DLG2: variants seen among roughly 807,000 people sequenced by gnomAD.
DLG2 encodes the protein disks large homolog 2.
In DLG2, 45 loss-of-function variants were observed where a neutral mutation model predicts 132.5. The ratio of observed to expected loss-of-function variants is 0.34; its 90% CI spans 0.27 to 0.44. The LOEUF is 0.44. DLG2 is among the 20% of genes least tolerant of loss of function. DLG2 has a pLI of 1.00. For missense variants in DLG2, 1,045 were observed against 1,196.9 expected (o/e 0.87, Z 1.87); for synonymous variants, 424 against 419.6 (o/e 1.01, Z -0.13).
At chr11:83,544,526 C>T (rs1173699391) in intron 19 of DLG2, among the ~76,000 whole-genome samples, 1 of 152,006 alleles carries the variant, frequency 6.6e-6, no homozygotes, top group African/African-American at 2.4e-5. Flanking sequence ...GTGGCAGCAA[C>T]CTAGGACCAG....
At chr11:84,429,697 T>C (rs1257732177) in intron 7 of DLG2, among the ~76,000 whole-genome samples, 1 of 152,192 alleles carries the variant, frequency 6.6e-6, no homozygotes, top group Non-Finnish European at 1.5e-5. Flanking sequence ...CATGTGCAAA[T>C]AAAACATGCA....
intron 7 of DLG2, among the ~76,000 whole-genome samples, chr11:84,281,862 AT>A: frequency 6.6e-6 from 1 of 152,286 alleles, no homozygotes; most frequent in South Asian, 2.1e-4. Context: ...AAGACTGACC[AT>A]ATCAAGTGTT....
At chr11:83,590,705 G>T (rs1307011986) in intron 19 of DLG2, among the ~76,000 whole-genome samples, 1 of 152,092 alleles carries the variant, frequency 6.6e-6, no homozygotes, top group African/African-American at 2.4e-5. Context: ...TCCAGGAGCT[G>T]GTTTTTTGAA....
intron 17 of DLG2, among the ~76,000 whole-genome samples, chr11:83,814,109 C>T (rs750231237): frequency 5.3e-5 from 8 of 151,836 alleles, no homozygotes; most frequent in South Asian, 2.1e-4. Flanking sequence ...AATATTAGAA[C>T]GTATTTAAAA....
chr11:85,195,632 T>C (rs1037433492), intron 4 of DLG2, among the ~76,000 whole-genome samples: 7 of 151,322 alleles, frequency 4.6e-5, no homozygotes, highest in Non-Finnish European at 2.9e-5. Context: ...CACGTCATTC[T>C]CCTGCCTCAG....
At chr11:85,559,640 A>G (rs2077118553) in intron 3 of DLG2, among the ~76,000 whole-genome samples, 1 of 151,720 alleles carries the variant, frequency 6.6e-6, no homozygotes. Context: ...AGTAAGTTTG[A>G]TATAATGGAA....
intron 7 of DLG2, among the ~76,000 whole-genome samples, chr11:84,339,075 A>G (rs967133710): frequency 6.6e-6 from 1 of 152,164 alleles, no homozygotes; most frequent in African/African-American, 2.4e-5. Context: ...GAGCATGTAC[A>G]TTTACATATT....
intron 19 of DLG2, among the ~76,000 whole-genome samples, chr11:83,598,261 G>C (rs1406442751): frequency 6.6e-6 from 1 of 152,218 alleles, no homozygotes. Flanking sequence ...CTCTTTGGCT[G>C]TTCTTTCAGA....
chr11:85,449,991 A>G (rs554554945), intron 3 of DLG2, among the ~76,000 whole-genome samples: 27 of 152,118 alleles, frequency 1.8e-4, no homozygotes, highest in African/African-American at 5.8e-4. Flanking sequence ...GCCGGGCATG[A>G]TGGTGCATGC....
intron 7 of DLG2, among the ~76,000 whole-genome samples, chr11:84,502,346 CTTTCTTTCTTTCTTTCTTTCT>C (rs2099219196): frequency 2.2e-5 from 1 of 45,134 alleles, no homozygotes; most frequent in South Asian, 7.2e-4. Flanking sequence ...TTCTTTCTTT[CTTTCTTTCTTTCTTTCTTTCT>C]TTCTTTCTTT....
Position 84,263,822 on chromosome 11 carries a change from A to G in DLG2, c.520-12531T>C, listed in dbSNP as rs76935204. Reference sequence around the variant, plus strand: ...AGAAATTTTAGGGAGAGAGGCAAAGATGAAGTATGAGTTTTAGTTTGCTGT... The same window carrying G: ...AGAAATTTTAGGGAGAGAGGCAAAGGTGAAGTATGAGTTTTAGTTTGCTGT... On this transcript the variant is annotated intron_variant, in intron 7 of 27. Transcript: ENST00000376104. Among the ~76,000 whole-genome samples, 662 of 152,290 alleles carry G rather than the reference A, an allele frequency of 4.3e-3. 1 individual carries two copies. The highest frequency in any genetic ancestry group is 0.014 in the African/African-American group (600 of 41,576).
At chr11:85,190,479 C>A (rs550062750) in intron 4 of DLG2, among the ~76,000 whole-genome samples, 2 of 151,598 alleles carry the variant, frequency 1.3e-5, no homozygotes, top group Non-Finnish European at 2.9e-5. Flanking sequence ...CAAATCAGCT[C>A]CAAAGCTAGC....
At chr11:85,455,695 T>G (rs1206675487) in intron 3 of DLG2, among the ~76,000 whole-genome samples, 1 of 152,156 alleles carries the variant, frequency 6.6e-6, no homozygotes, top group African/African-American at 2.4e-5. Context: ...TGAAGTATGC[T>G]CCTTCAGTGC....
intron 18 of DLG2, among the ~76,000 whole-genome samples, chr11:83,684,025 C>A (rs2079278270): frequency 1.3e-5 from 2 of 152,072 alleles, no homozygotes; most frequent in African/African-American, 4.8e-5. Flanking sequence ...GTGAGACCAT[C>A]TTGGCTTCTC....
chr11:83,851,885 C>A (rs976840484), intron 16 of DLG2, among the ~76,000 whole-genome samples: 13 of 150,968 alleles, frequency 8.6e-5, no homozygotes, highest in African/African-American at 3.2e-4. Flanking sequence ...TGCCACTGAA[C>A]TCCAGCCTGG....
chr11:84,298,249 T>C (rs1007708346), intron 7 of DLG2, among the ~76,000 whole-genome samples: 1 of 152,210 alleles, frequency 6.6e-6, no homozygotes, highest in South Asian at 2.1e-4. Context: ...CATGGGCGTT[T>C]CCATTCATGT....
chr11:84,891,829 C>T (rs999973014), intron 6 of DLG2, among the ~76,000 whole-genome samples: 2 of 152,058 alleles, frequency 1.3e-5, no homozygotes, highest in African/African-American at 4.8e-5. Flanking sequence ...TGAATACAGA[C>T]CTAAAGCAGA....
At chr11:84,120,860 T>C (rs1023413859) in intron 9 of DLG2, among the ~76,000 whole-genome samples, 11 of 152,228 alleles carry the variant, frequency 7.2e-5, no homozygotes, top group Admixed American at 2.0e-4. Flanking sequence ...ATTATGTATG[T>C]ATTCTTTCGA....
At position 85,011,506 on chromosome 11, in the gene DLG2, T is replaced by C. The variant is rs574314753; in HGVS notation, c.357+100155A>G. On this transcript the variant is annotated intron_variant, in intron 6 of 27. Transcript: ENST00000376104. Reference sequence around the variant, plus strand: ...TATTTAACACTTAGTCAAGAGTGCATTGAAAAGAGCAAAAGAGTAAGTAAA... The same window carrying C: ...TATTTAACACTTAGTCAAGAGTGCACTGAAAAGAGCAAAAGAGTAAGTAAA... Among the ~76,000 whole-genome samples the C allele has an allele frequency of 1.1e-3, 165 of 152,318 alleles. 3 individuals carry two copies. In the South Asian group the frequency reaches 0.012, roughly 11 times the overall value.
Sources: allele counts gnomAD v4.1 joint callset (sites outside exome capture counted in the v4.1 genomes callset), GRCh38; gene constraint gnomAD v4.1.1; transcripts MANE v1.5; gene names NCBI Gene and HGNC (gene_info 2026-07-23, HGNC 2026-07-21).